The following NECTIN1 variants were observed in gnomAD, a reference collection of about 807,000 sequenced individuals.
NECTIN1 encodes nectin-1.
NECTIN1 carries 23 observed loss-of-function variants against 48.0 expected under a neutral mutation model. That is an observed-to-expected ratio of 0.48 (90% CI 0.34 to 0.68). NECTIN1 has a LOEUF of 0.68. Ranked by LOEUF, NECTIN1 falls within the 30% of genes least tolerant of loss-of-function variation. The probability of loss-of-function intolerance (pLI) is 0.01; values close to 1 mark genes in which losing one functional copy is unlikely to be tolerated. For missense variants in NECTIN1, 591 were observed against 709.9 expected (o/e 0.83, Z 1.90); for synonymous variants, 270 against 288.9 (o/e 0.93, Z 0.66).
Position 119,665,118 on chromosome 11 carries a change from C to T in NECTIN1, c.1183G>A (p.Val395Met), listed in dbSNP as rs141253617. 1.0e-4 allele frequency: 161 copies of T among 1,614,050 alleles called. No homozygotes were observed. In the African/African-American group the frequency reaches 2.0e-3, roughly 20 times the overall value. ...GCCTTGCTGTAGCCGTTGCCATACA[C>T]GTGCTTCTTGGTGCTGTAGTCACCC... ...FKGDYSTKKHVYGNGYSKAGI... is the reference protein window; with the variant it reads ...FKGDYSTKKHMYGNGYSKAGI... Residue 395 changes from valine to methionine, a missense_variant, in exon 6 of 6, where the codon GTG (valine) becomes ATG (methionine). Transcript: ENST00000264025. The surrounding 1 kb of genome is among the most constrained non-coding windows in gnomAD (Gnocchi z 5.1).
chr11:119,711,420 C>CCT (rs1819031808), intron 1 of NECTIN1, among the ~76,000 whole-genome samples: 1 of 150,984 alleles, frequency 6.6e-6, no homozygotes. Context: ...GAGAAGGAAA[C>CCT]CTCACAGCTT....
rs1227299556 is a variant in NECTIN1 at position 119,661,134 on chromosome 11, C to T, written c.*3613G>A. 1.0e-6 allele frequency: 1 copy of T among 985,642 alleles called. No individual in the cohort carries two copies. Among genetic ancestry groups the T allele is most frequent in the Non-Finnish European group, 1.2e-6 (1 of 829,944 alleles). 61.1% of individuals were successfully genotyped at this position (985,642 alleles called of 1,614,324 possible). A position where few individuals can be genotyped will look rare whatever the true frequency, so the allele number is the denominator to read the frequency against. On this transcript the variant is annotated 3_prime_UTR_variant, in exon 6 of 6. Coordinates refer to ENST00000264025, the MANE Select transcript of NECTIN1 (RefSeq NM_002855.5). ...AACCAGGAGGATCTGCTGGGCTGTC[C>T]CTGGACCAAAGGCGGAAAGGGCGAC... is the stretch of plus-strand genomic sequence containing the variant.
intron 1 of NECTIN1, among the ~76,000 whole-genome samples, chr11:119,722,053 C>T (rs1055278501): frequency 2.0e-5 from 3 of 152,258 alleles, no homozygotes; most frequent in Non-Finnish European, 4.4e-5. Context: ...GGTTCATCCT[C>T]TTCCGTCTGT....
intron 5 of NECTIN1, 120 bp downstream of exon 5, chr11:119,675,039 G>C (rs753663969): frequency 3.1e-4 from 388 of 1,239,716 alleles, no homozygotes; most frequent in Non-Finnish European, 4.3e-4. Flanking sequence ...GCTCAAGGGA[G>C]AACTAGAGAA....
At chr11:119,691,256 G>A (rs1230715994) in intron 1 of NECTIN1, among the ~76,000 whole-genome samples, 1 of 152,164 alleles carries the variant, frequency 6.6e-6, no homozygotes, top group Non-Finnish European at 1.5e-5. Context: ...CAAACTCCAC[G>A]CATGGCCCTC....
chr11:119,711,051 T>C (rs1387367371), intron 1 of NECTIN1, among the ~76,000 whole-genome samples: 1 of 123,500 alleles, frequency 8.1e-6, no homozygotes, highest in East Asian at 2.4e-4. Flanking sequence ...GGGGGTTAAA[T>C]AGGGTTGCCA....
At chr11:119,676,685 T>C (rs1237497109) in intron 4 of NECTIN1, 11 of 263,346 alleles carry the variant, frequency 4.2e-5, no homozygotes, top group Non-Finnish European at 2.2e-5. Flanking sequence ...AATCTGGGGG[T>C]GCCAGAGAGA....
At chr11:119,713,773 C>G (rs899961909) in intron 1 of NECTIN1, 2 of 450,546 alleles carry the variant, frequency 4.4e-6, no homozygotes, top group African/African-American at 4.0e-5. Context: ...CTCCTCACCC[C>G]CCGCCCTCTG....
intron 1 of NECTIN1, among the ~76,000 whole-genome samples, chr11:119,720,841 C>A (rs1361517326): frequency 1.3e-5 from 2 of 152,178 alleles, no homozygotes; most frequent in African/African-American, 4.8e-5. Context: ...GGCCCCAGCA[C>A]AATGACTGAG....
chr11:119,668,663 T>G lies in NECTIN1; in HGVS notation c.1004-3366A>C, dbSNP rs192057524. On this transcript the variant is annotated intron_variant, in intron 5 of 5. Transcript: ENST00000264025. ...GATCTTTTTCTCTTTCGAATTTTTA[T>G]GTACTAATGGTCTGCACCTCTCATT... 4.6e-5 allele frequency among the ~76,000 whole-genome samples: 7 copies of G among 152,360 alleles called. No homozygotes were observed. In the East Asian group the frequency reaches 1.3e-3, roughly 29 times the overall value.
chr11:119,676,077 G>A (rs1251676608), intron 4 of NECTIN1, among the ~76,000 whole-genome samples: 2 of 152,062 alleles, frequency 1.3e-5, no homozygotes, highest in Non-Finnish European at 2.9e-5. Flanking sequence ...AGAACCACTG[G>A]GGCAAAGACC....
Position 119,728,584 on chromosome 11 carries a change from C to G in NECTIN1, c.-31G>C. 1 of 1,492,372 alleles carries G rather than the reference C, an allele frequency of 6.7e-7. No individual in the cohort carries two copies. The highest frequency in any genetic ancestry group is 9.1e-7 in the Non-Finnish European group (1 of 1,097,526). The allele number at this position is 1,492,372 out of a possible 1,614,324, so 92.4% of individuals were successfully genotyped here. A position where few individuals can be genotyped will look rare whatever the true frequency, so the allele number is the denominator to read the frequency against. ...GCCGGGGGTCCGGCGAGAGGGGCGG[C>G]GAGGGCAGCGCTCCTCGCGCAGCAG... On this transcript the variant is annotated 5_prime_UTR_variant, in exon 1 of 6. Coordinates refer to ENST00000264025, the MANE Select transcript of NECTIN1 (RefSeq NM_002855.5).
At chr11:119,686,899 C>A (rs1591465810) in intron 1 of NECTIN1, among the ~76,000 whole-genome samples, 2 of 152,292 alleles carry the variant, frequency 1.3e-5, no homozygotes, top group East Asian at 1.9e-4. Flanking sequence ...TTGAATGAAC[C>A]CAGTGCCTGG....
chr11:119,639,384 G>T, intron 6 of NECTIN1: 2 of 201,878 alleles, frequency 9.9e-6, no homozygotes, highest in Non-Finnish European at 1.0e-5. Flanking sequence ...ATGGGTTTTT[G>T]CTTTCATTTT....
At position 119,662,718 on chromosome 11, in the gene NECTIN1, C is replaced by T; in HGVS notation, c.*2029G>A. 2.0e-6 allele frequency: 2 copies of T among 985,352 alleles called. No individual in the cohort carries two copies. Among genetic ancestry groups the T allele is most frequent in the Non-Finnish European group, 2.4e-6 (2 of 830,000 alleles). 61.0% of individuals were successfully genotyped at this position (985,352 alleles called of 1,614,324 possible). ...CAGTGATGTAATGTGGAAAAGGTCC[C>T]CTGTCCTGGGGGACACTAATACTGC... On this transcript the variant is annotated 3_prime_UTR_variant, in exon 6 of 6. Coordinates refer to ENST00000264025, the MANE Select transcript of NECTIN1 (RefSeq NM_002855.5). This position sits in a 1 kb window ranked among gnomAD's most constrained non-coding sequence, Gnocchi z 5.3.
chr11:119,676,020 A>AT lies in NECTIN1; in HGVS notation c.852-711_852-710insA, dbSNP rs200168237. On this transcript the variant is annotated intron_variant, in intron 4 of 5. Coordinates refer to ENST00000264025, the MANE Select transcript of NECTIN1 (RefSeq NM_002855.5). ...AAATCCGTCTCAAAGAAAAAAAAAAAAATAATAATACAGATGCCTTGGTTC... is the reference window on the plus strand; with the variant it reads ...AAATCCGTCTCAAAGAAAAAAAAAAATAATAATAATACAGATGCCTTGGTTC... Among the ~76,000 whole-genome samples, 589 of 151,598 alleles carry AT rather than the reference A, an allele frequency of 3.9e-3. 3 individuals are homozygous for AT. Among genetic ancestry groups the AT allele is most frequent in the East Asian group, 0.037 (191 of 5,158 alleles).
intron 5 of NECTIN1, among the ~76,000 whole-genome samples, chr11:119,649,394 AAAAG>A (rs1016189995): frequency 1.5e-4 from 23 of 151,842 alleles, no homozygotes; most frequent in South Asian, 1.5e-3. Context: ...AAAAAAAAGA[AAAAG>A]AAAAAAAGGC....
At chr11:119,641,650 C>A in intron 5 of NECTIN1, 1 of 152,772 alleles carries the variant, frequency 6.5e-6, no homozygotes, top group Non-Finnish European at 1.5e-5. Context: ...AGAGAGCCCT[C>A]CCTGCCTCCT....
intron 1 of NECTIN1, chr11:119,713,994 GC>G (rs575656637): frequency 7.0e-4 from 270 of 386,212 alleles, no homozygotes; most frequent in Non-Finnish European, 1.2e-3. Context: ...ACCCTGAGTG[GC>G]CCCCCCCTTG....
Sources: allele counts gnomAD v4.1 joint callset (sites outside exome capture counted in the v4.1 genomes callset), GRCh38; gene constraint gnomAD v4.1.1; non-coding constraint Gnocchi (gnomAD v3.1); transcripts MANE v1.5; gene names NCBI Gene and HGNC (gene_info 2026-07-23, HGNC 2026-07-21).